Variants in GPHN observed in about 807,000 individuals in gnomAD.
GPHN encodes gephyrin.
A neutral mutation model predicts 95.5 loss-of-function variants in GPHN; 17 were observed. That is an observed-to-expected ratio of 0.18 (90% CI 0.12 to 0.27). The LOEUF (loss-of-function observed/expected upper bound fraction) is 0.27, where lower values mean the gene tolerates loss of function less well. GPHN is among the 10% of genes least tolerant of loss of function. The pLI, the probability that GPHN is intolerant of heterozygous loss-of-function variation, is 1.00. For missense variants in GPHN, 660 were observed against 978.1 expected, an observed-to-expected ratio of 0.67 and a Z score of 4.34; for synonymous variants, 320 against 322.5, an observed-to-expected ratio of 0.99 and a Z score of 0.08.
the GPHN span, among the ~76,000 whole-genome samples, chr14:67,513,107 CA>C: frequency 1.3e-5 from 2 of 152,168 alleles, no homozygotes; most frequent in African/African-American, 4.8e-5. Flanking sequence ...CACTTCAAAA[CA>C]GGAAGTTAGG....
chr14:67,520,013 A>G, the GPHN span, among the ~76,000 whole-genome samples: 2 of 152,154 alleles, frequency 1.3e-5, no homozygotes, highest in African/African-American at 4.8e-5. Flanking sequence ...GTGAGCCACC[A>G]TGCCTGACCT....
chr14:67,380,306 C>T, the GPHN span, among the ~76,000 whole-genome samples: 4 of 152,014 alleles, frequency 2.6e-5, no homozygotes, highest in South Asian at 6.2e-4. Context: ...TGTACTGTTA[C>T]ATTTAAAAGT....
the GPHN span, among the ~76,000 whole-genome samples, chr14:67,247,653 C>T: frequency 6.6e-5 from 10 of 152,244 alleles, no homozygotes; most frequent in Non-Finnish European, 1.3e-4. Flanking sequence ...GCACTGCTCA[C>T]GGCAGCCTCG....
the GPHN span, among the ~76,000 whole-genome samples, chr14:67,410,935 C>T: frequency 2.0e-5 from 3 of 152,144 alleles, no homozygotes; most frequent in South Asian, 4.1e-4. Flanking sequence ...GACTTAAACC[C>T]GGGAGTTCAA....
At chr14:66,994,563 T>C (rs544488400) in intron 9 of GPHN, among the ~76,000 whole-genome samples, 1 of 152,192 alleles carries the variant, frequency 6.6e-6, no homozygotes, top group African/African-American at 2.4e-5. Context: ...AAAGTACTAA[T>C]AAAATATCTC....
chr14:66,628,983 T>G (rs2063626873), intron 1 of GPHN, among the ~76,000 whole-genome samples: 1 of 149,866 alleles, frequency 6.7e-6, no homozygotes, highest in Admixed American at 6.7e-5. Context: ...AAAGATTGCT[T>G]GAGCACAGGA....
intron 4 of GPHN, among the ~76,000 whole-genome samples, chr14:66,833,867 T>C (rs535269585): frequency 4.6e-5 from 7 of 152,294 alleles, no homozygotes; most frequent in Admixed American, 1.3e-4. Context: ...TGCTATATCT[T>C]AATTAGCTTA....
the GPHN span, chr14:67,647,130 A>C: frequency 1.3e-6 from 1 of 751,930 alleles, no homozygotes; most frequent in South Asian, 1.8e-5. Flanking sequence ...AAGCAAAAAC[A>C]TACACATAAT....
At chr14:67,183,137 T>A (rs1408230385), downstream of GPHN, among the ~76,000 whole-genome samples, 1 of 152,200 alleles carries the variant, frequency 6.6e-6, no homozygotes, top group Admixed American at 6.5e-5. Flanking sequence ...TTTCTATACC[T>A]GTAATATAAG....
chr14:67,401,076 C>T, the GPHN span, among the ~76,000 whole-genome samples: 1 of 151,952 alleles, frequency 6.6e-6, no homozygotes. Context: ...AATGCCTAGC[C>T]CCAGTGCCTG....
At chr14:67,109,649 T>C (rs560979328) in intron 13 of GPHN, among the ~76,000 whole-genome samples, 148 of 152,346 alleles carry the variant, frequency 9.7e-4, no homozygotes, top group Middle Eastern at 3.4e-3. Flanking sequence ...AGGCAATAAT[T>C]AAAATATTTC....
At chr14:67,204,417 G>C in the GPHN span, 1 of 1,349,676 alleles carries the variant, frequency 7.4e-7, no homozygotes, top group Middle Eastern at 2.7e-4. Flanking sequence ...ACTCCAACGT[G>C]GGCAACAGAG....
the GPHN span, among the ~76,000 whole-genome samples, chr14:67,302,752 AT>A: frequency 6.6e-6 from 1 of 151,888 alleles, no homozygotes; most frequent in Non-Finnish European, 1.5e-5. Flanking sequence ...TACCACTGAT[AT>A]TTTTTTACTT....
the GPHN span, among the ~76,000 whole-genome samples, chr14:67,642,787 CA>C: frequency 8.3e-5 from 6 of 72,080 alleles, no homozygotes; most frequent in Non-Finnish European, 1.3e-4. Flanking sequence ...CATGTTACTA[CA>C]TTTTCTTTTT....
intron 2 of GPHN, among the ~76,000 whole-genome samples, chr14:66,732,620 G>A (rs2071878460): frequency 2.0e-5 from 3 of 152,134 alleles, no homozygotes; most frequent in South Asian, 2.1e-4. Context: ...CGGTTCAAGC[G>A]ATTCTTCTGC....
intron 1 of GPHN, among the ~76,000 whole-genome samples, chr14:66,590,528 C>A (rs571156061): frequency 6.6e-6 from 1 of 152,206 alleles, no homozygotes; most frequent in African/African-American, 2.4e-5. Flanking sequence ...ATAAACATCT[C>A]TACTCAAATA....
At chr14:66,948,097 CATTTT>C (rs1440658607) in intron 8 of GPHN, among the ~76,000 whole-genome samples, 3 of 152,046 alleles carry the variant, frequency 2.0e-5, no homozygotes, top group African/African-American at 7.2e-5. Flanking sequence ...TTCTTCTATG[CATTTT>C]ATAAGTGCCA....
At chr14:67,710,725 AC>A in the GPHN span, among the ~76,000 whole-genome samples, 1 of 151,372 alleles carries the variant, frequency 6.6e-6, no homozygotes, top group South Asian at 2.1e-4. Flanking sequence ...TAAAGGACAC[AC>A]TTTTTTTTTT....
chr14:67,060,897 A>G (rs901728850), intron 11 of GPHN, among the ~76,000 whole-genome samples: 1 of 152,198 alleles, frequency 6.6e-6, no homozygotes, highest in Non-Finnish European at 1.5e-5. Flanking sequence ...CATATTCTAA[A>G]TGTATTATGT....
Sources: gnomAD v4.1 joint callset for allele counts (sites outside exome capture counted in the v4.1 genomes callset) on GRCh38, gnomAD v4.1.1 for gene constraint, MANE v1.5 for transcripts, NCBI Gene and HGNC (gene_info 2026-07-23, HGNC 2026-07-21) for gene names.